NAV3: variants seen among roughly 807,000 people sequenced by gnomAD.
NAV3 encodes the protein neuron navigator 3.
In NAV3, 87 loss-of-function variants were observed where a neutral mutation model predicts 244.7. The ratio of observed to expected loss-of-function variants is 0.36; its 90% CI spans 0.30 to 0.42. The LOEUF (loss-of-function observed/expected upper bound fraction) is 0.42, where lower values mean the gene tolerates loss of function less well. NAV3 is among the 20% of genes least tolerant of loss of function. NAV3 has a pLI of 1.00. For synonymous variants in NAV3, 1,126 were observed against 1,042.2 expected, an observed-to-expected ratio of 1.08 and a Z score of -1.55; for missense variants, 2,663 against 2,893.3, an observed-to-expected ratio of 0.92 and a Z score of 1.83.
At chr12:78,042,703 C>T (rs533428258) in intron 9 of NAV3, among the ~76,000 whole-genome samples, 13 of 152,108 alleles carry the variant, frequency 8.5e-5, no homozygotes, top group South Asian at 2.1e-4. Flanking sequence ...GCAGGGGAAT[C>T]GCTTGAATTC....
intron 6 of NAV3, among the ~76,000 whole-genome samples, chr12:77,995,686 T>C (rs1872237169): frequency 6.6e-6 from 1 of 152,144 alleles, no homozygotes; most frequent in African/African-American, 2.4e-5. Flanking sequence ...GGTAGGTGTC[T>C]TTCCCCTTGC....
intron 2 of NAV3, among the ~76,000 whole-genome samples, chr12:77,606,065 A>G (rs1489977680): frequency 1.3e-5 from 2 of 152,154 alleles, no homozygotes; most frequent in African/African-American, 4.8e-5. Flanking sequence ...GTTGAGTTTC[A>G]GGTCTCTAGA....
At chr12:77,785,109 T>C (rs999012284) in intron 2 of NAV3, among the ~76,000 whole-genome samples, 4 of 152,124 alleles carry the variant, frequency 2.6e-5, no homozygotes, top group African/African-American at 7.2e-5. Context: ...CATGGAAAGC[T>C]GGAGGTTCAG....
intron 2 of NAV3, among the ~76,000 whole-genome samples, chr12:77,780,530 G>T (rs780429044): frequency 8.5e-5 from 13 of 152,156 alleles, no homozygotes; most frequent in Non-Finnish European, 1.8e-4. Context: ...AAAGGCAGGA[G>T]AGGTTTTAAG....
intron 1 of NAV3, among the ~76,000 whole-genome samples, chr12:77,906,255 CAGAG>C (rs1007328918): frequency 7.2e-5 from 11 of 151,908 alleles, no homozygotes; most frequent in African/African-American, 2.7e-4. Context: ...CACAGAAAGG[CAGAG>C]AGACAGAGAG....
chr12:77,966,645 A>T (rs1565968596), intron 4 of NAV3, among the ~76,000 whole-genome samples: 2 of 152,132 alleles, frequency 1.3e-5, no homozygotes, highest in East Asian at 1.9e-4. Context: ...ACATAAATAC[A>T]GGTAAAATAT....
At chr12:77,796,316 G>A (rs1032923195) in intron 2 of NAV3, among the ~76,000 whole-genome samples, 3 of 152,162 alleles carry the variant, frequency 2.0e-5, no homozygotes, top group Admixed American at 6.6e-5. Context: ...TGCAGTTGTG[G>A]TGGAAAAAGC....
chr12:78,039,874 T>C (rs1880557872), intron 9 of NAV3, among the ~76,000 whole-genome samples: 1 of 152,004 alleles, frequency 6.6e-6, no homozygotes, highest in South Asian at 2.1e-4. Flanking sequence ...TTCTGGAAGA[T>C]GTGTGGAAGC....
intron 12 of NAV3, among the ~76,000 whole-genome samples, chr12:78,109,985 G>T (rs920852278): frequency 6.6e-6 from 1 of 151,936 alleles, no homozygotes; most frequent in African/African-American, 2.4e-5. Flanking sequence ...TATCTAAATT[G>T]GGAAGAGCAA....
intron 2 of NAV3, among the ~76,000 whole-genome samples, chr12:77,593,357 T>C (rs963422582): frequency 6.6e-6 from 1 of 151,758 alleles, no homozygotes; most frequent in Non-Finnish European, 1.5e-5. Context: ...TTTAACACAT[T>C]TGCCTCTTCT....
intron 1 of NAV3, among the ~76,000 whole-genome samples, chr12:77,860,952 C>G (rs1424871931): frequency 6.6e-6 from 1 of 151,930 alleles, no homozygotes; most frequent in Non-Finnish European, 1.5e-5. Context: ...CTACAATATT[C>G]ATATGGTGTA....
chr12:77,778,680 AAAGC>A (rs1870513967), intron 2 of NAV3, among the ~76,000 whole-genome samples: 1 of 152,048 alleles, frequency 6.6e-6, no homozygotes, highest in South Asian at 2.1e-4. Context: ...TTTTTTTAAT[AAAGC>A]AAGAGCTTTG....
chr12:78,062,878 T>G (rs1884507867), intron 12 of NAV3, among the ~76,000 whole-genome samples: 1 of 152,080 alleles, frequency 6.6e-6, no homozygotes, highest in Admixed American at 6.6e-5. Context: ...ACAAGAAAGC[T>G]TAAAAGTCAA....
intron 2 of NAV3, among the ~76,000 whole-genome samples, chr12:77,727,859 C>G (rs1430814200): frequency 6.6e-6 from 1 of 151,886 alleles, no homozygotes; most frequent in African/African-American, 2.4e-5. Context: ...ACTGCTATTG[C>G]CAAGTACTCT....
intron 2 of NAV3, among the ~76,000 whole-genome samples, chr12:77,580,231 C>CACAT (rs1869296478): frequency 2.3e-5 from 2 of 86,282 alleles, no homozygotes; most frequent in African/African-American, 7.3e-5. Context: ...CACACACACA[C>CACAT]ACACACACAC....
intron 1 of NAV3, among the ~76,000 whole-genome samples, chr12:77,837,927 A>G (rs929710219): frequency 6.6e-6 from 1 of 152,210 alleles, no homozygotes; most frequent in African/African-American, 2.4e-5. Flanking sequence ...AATAAAGTAG[A>G]TCACTGGCTC....
chr12:78,115,523 T>C (rs1199552476), intron 12 of NAV3, among the ~76,000 whole-genome samples: 1 of 152,310 alleles, frequency 6.6e-6, no homozygotes, highest in East Asian at 1.9e-4. Context: ...TGTGTTAGCC[T>C]CCACATGATA....
At chr12:77,594,209 A>T (rs1008075207) in intron 2 of NAV3, among the ~76,000 whole-genome samples, 1 of 152,066 alleles carries the variant, frequency 6.6e-6, no homozygotes, top group South Asian at 2.1e-4. Flanking sequence ...CCTATTACCC[A>T]TGGGGGATGT....
intron 12 of NAV3, among the ~76,000 whole-genome samples, chr12:78,064,432 TGCCTGCCTGCCTGC>T (rs1566082291): frequency 3.6e-4 from 55 of 151,000 alleles, no homozygotes; most frequent in African/African-American, 1.3e-3. Context: ...TCTGTCTGCC[TGCCTGCCTGCCTGC>T]CTGCCTGCCT....
Sources: allele counts gnomAD v4.1 joint callset (sites outside exome capture counted in the v4.1 genomes callset), GRCh38; gene constraint gnomAD v4.1.1; transcripts MANE v1.5; gene names NCBI Gene and HGNC (gene_info 2026-07-23, HGNC 2026-07-21).